DLGAP1: variants seen among roughly 807,000 people sequenced by gnomAD.
The protein encoded by DLGAP1 is disks large-associated protein 1.
In DLGAP1, 11 loss-of-function variants were observed where a neutral mutation model predicts 90.8. The observed-to-expected ratio is 0.12, with a 90% CI of 0.08 to 0.20. The LOEUF is 0.20. DLGAP1 is among the 10% of genes least tolerant of loss of function. The probability of loss-of-function intolerance (pLI) is 1.00; values close to 1 mark genes in which losing one functional copy is unlikely to be tolerated. For synonymous variants in DLGAP1, 558 were observed against 540.7 expected (o/e 1.03, Z -0.44); for missense variants, 1,050 against 1,333.8 (o/e 0.79, Z 3.31).
At chr18:3,773,019 A>G (rs2064766335) in intron 5 of DLGAP1, among the ~76,000 whole-genome samples, 1 of 152,118 alleles carries the variant, frequency 6.6e-6, no homozygotes, top group South Asian at 2.1e-4. Context: ...GAACATTTTT[A>G]CTTGTGCTTT....
intron 3 of DLGAP1, chr18:3,995,276 CTG>C (rs2074045884): frequency 6.6e-6 from 1 of 152,056 alleles, no homozygotes. Context: ...CTTAAAATGA[CTG>C]TGCTGCAAAG....
chr18:4,441,643 C>A (rs2658249), intron 1 of DLGAP1, among the ~76,000 whole-genome samples: 122,732 of 152,222 alleles, frequency 0.81, 49,631 homozygotes, highest in African/African-American at 0.85. Flanking sequence ...AGACGTATGG[C>A]AACAGTAGGA....
intron 7 of DLGAP1, among the ~76,000 whole-genome samples, chr18:3,718,288 G>A (rs902817040): frequency 7.9e-5 from 12 of 151,798 alleles, no homozygotes; most frequent in African/African-American, 2.7e-4. Flanking sequence ...GTGAAACCCC[G>A]TCTCTATTAA....
intron 1 of DLGAP1, among the ~76,000 whole-genome samples, chr18:4,195,876 C>T (rs2077488882): frequency 6.6e-6 from 1 of 151,930 alleles, no homozygotes; most frequent in Non-Finnish European, 1.5e-5. Flanking sequence ...GAGGAAGACC[C>T]TATTCTGCAC....
At chr18:4,018,528 A>G (rs1271301942) in intron 2 of DLGAP1, among the ~76,000 whole-genome samples, 1 of 152,268 alleles carries the variant, frequency 6.6e-6, no homozygotes, top group Non-Finnish European at 1.5e-5. Flanking sequence ...CGCCAACTAC[A>G]GCATCCGCTA....
Position 4,057,451 on chromosome 18 carries a change from C to G in DLGAP1, c.-158-52250G>C, listed in dbSNP as rs370905868. On this transcript the variant is annotated intron_variant, in intron 2 of 12. Transcript: ENST00000315677. ...CCTCCCAAGTGCTGGAAGGCCACTGCGCATGTGGACAGCCCACCCTAACGG... is the reference window on the plus strand; with the variant it reads ...CCTCCCAAGTGCTGGAAGGCCACTGGGCATGTGGACAGCCCACCCTAACGG... Among the ~76,000 whole-genome samples, 30 of 152,260 alleles carry G rather than the reference C, an allele frequency of 2.0e-4. No individual in the cohort carries two copies. The South Asian group carries it at 5.4e-3, about 27-fold the overall frequency.
chr18:4,341,525 C>T (rs944280264), intron 1 of DLGAP1, among the ~76,000 whole-genome samples: 2 of 152,078 alleles, frequency 1.3e-5, no homozygotes, highest in East Asian at 1.9e-4. Flanking sequence ...TCCTCCAGAA[C>T]AGTGGAGAAG....
At chr18:4,218,783 G>GT (rs903497763) in intron 1 of DLGAP1, among the ~76,000 whole-genome samples, 1 of 150,660 alleles carries the variant, frequency 6.6e-6, no homozygotes, top group Non-Finnish European at 1.5e-5. Context: ...TGTGTCTGTT[G>GT]TGTGTATATA....
At chr18:4,395,136 C>T (rs540549342) in intron 1 of DLGAP1, among the ~76,000 whole-genome samples, 69 of 152,144 alleles carry the variant, frequency 4.5e-4, no homozygotes, top group Non-Finnish European at 7.2e-4. Context: ...TGTTCCAACA[C>T]AAAACACAAG....
chr18:3,586,276 C>A (rs963848490), intron 7 of DLGAP1, among the ~76,000 whole-genome samples: 1 of 152,120 alleles, frequency 6.6e-6, no homozygotes, highest in East Asian at 1.9e-4. Context: ...TACGGAGGGA[C>A]ATTACTCATT....
intron 1 of DLGAP1, among the ~76,000 whole-genome samples, chr18:4,405,636 G>A (rs1370707623): frequency 6.6e-6 from 1 of 152,062 alleles, no homozygotes; most frequent in Admixed American, 6.6e-5. Context: ...TCTGAAGATT[G>A]ACATTTTACA....
intron 7 of DLGAP1, among the ~76,000 whole-genome samples, chr18:3,695,377 G>A (rs550335335): frequency 6.6e-6 from 1 of 152,292 alleles, no homozygotes; most frequent in African/African-American, 2.4e-5. Context: ...GTTAATTTTT[G>A]TATAAGGTGT....
intron 9 of DLGAP1, among the ~76,000 whole-genome samples, chr18:3,550,296 G>T (rs1376682642): frequency 6.6e-6 from 1 of 152,030 alleles, no homozygotes; most frequent in Non-Finnish European, 1.5e-5. Context: ...CACAATCACG[G>T]CTCACTGCAG....
intron 1 of DLGAP1, among the ~76,000 whole-genome samples, chr18:4,297,175 A>C (rs2080004522): frequency 6.6e-6 from 1 of 152,164 alleles, no homozygotes; most frequent in Non-Finnish European, 1.5e-5. Flanking sequence ...CAATTTTATA[A>C]ATGAGGCACC....
chr18:3,810,013 A>AT (rs1255615485), intron 5 of DLGAP1, among the ~76,000 whole-genome samples: 1 of 152,182 alleles, frequency 6.6e-6, no homozygotes, highest in Admixed American at 6.5e-5. Flanking sequence ...AACATTCAGA[A>AT]TTTTTTTGAA....
chr18:3,497,440 G>A lies in DLGAP1; in HGVS notation c.*1745C>T, dbSNP rs1462353431. 1 of 152,212 alleles carries A rather than the reference G, an allele frequency of 6.6e-6. No homozygotes were observed. Among genetic ancestry groups the A allele is most frequent in the Non-Finnish European group, 1.5e-5 (1 of 68,012 alleles). 9.4% of individuals were successfully genotyped at this position (152,212 alleles called of 1,614,324 possible). A position where few individuals can be genotyped will look rare whatever the true frequency, so the allele number is the denominator to read the frequency against. On this transcript the variant is annotated 3_prime_UTR_variant, in exon 13 of 13. Transcript: ENST00000315677. ...GTTTATAAAGGTAGCTCAAAGCATCGATGGCTCTGAGAGGTAGCGAATTCT... is the reference window on the plus strand; with the variant it reads ...GTTTATAAAGGTAGCTCAAAGCATCAATGGCTCTGAGAGGTAGCGAATTCT...
chr18:4,274,376 C>G (rs1246545936), intron 1 of DLGAP1, among the ~76,000 whole-genome samples: 1 of 152,072 alleles, frequency 6.6e-6, no homozygotes, highest in African/African-American at 2.4e-5. Flanking sequence ...AGAAAATGTA[C>G]TTTGTATTAT....
intron 3 of DLGAP1, among the ~76,000 whole-genome samples, chr18:3,999,949 C>A (rs2074147987): frequency 6.6e-6 from 1 of 152,158 alleles, no homozygotes. Flanking sequence ...ACAGCTGAGA[C>A]TACAGGCACA....
At chr18:3,680,712 C>T (rs924930322) in intron 7 of DLGAP1, among the ~76,000 whole-genome samples, 1 of 146,688 alleles carries the variant, frequency 6.8e-6, no homozygotes, top group East Asian at 2.0e-4. Context: ...TGGCGTGAAC[C>T]CGGGAGGCGG....
Sources: gnomAD v4.1 joint callset for allele counts (sites outside exome capture counted in the v4.1 genomes callset) on GRCh38, gnomAD v4.1.1 for gene constraint, MANE v1.5 for transcripts, NCBI Gene and HGNC (gene_info 2026-07-23, HGNC 2026-07-21) for gene names.